Variants in TBC1D5 observed in about 807,000 individuals in gnomAD.
TBC1D5 encodes the protein TBC1 domain family, member 5.
A neutral mutation model predicts 100.3 loss-of-function variants in TBC1D5; 75 were observed. The observed-to-expected ratio is 0.75, with a 90% CI of 0.62 to 0.91. The LOEUF is 0.91. Ranked by LOEUF, TBC1D5 falls within the 40% of genes least tolerant of loss-of-function variation. The pLI is 0.00. For missense variants in TBC1D5, 910 were observed against 942.4 expected (o/e 0.97, Z 0.45); for synonymous variants, 323 against 325.6 (o/e 0.99, Z 0.09).
intron 19 of TBC1D5, among the ~76,000 whole-genome samples, chr3:17,180,916 C>CAA (rs76797012): frequency 0.018 from 1,741 of 96,112 alleles, 18 homozygotes; most frequent in African/African-American, 0.04. Flanking sequence ...ACATTTACAC[C>CAA]AAAAAAAAAA....
chr3:17,159,267 C>CCT lies in TBC1D5; in HGVS notation c.*1694_*1695dup, dbSNP rs551201386. 2.6e-5 allele frequency: 4 copies of CCT among 152,310 alleles called. No homozygotes were observed. In the South Asian group the frequency reaches 8.3e-4, roughly 32 times the overall value. The allele number at this position is 152,310 out of a possible 1,614,324, so 9.4% of individuals were successfully genotyped here. A position where few individuals can be genotyped will look rare whatever the true frequency, so the allele number is the denominator to read the frequency against. ...AGCAAATTGCAGAACCAATTAGAAC[C>CCT]CTCTCTACAGTAGCTGACTTGAGAG... On this transcript the variant is annotated 3_prime_UTR_variant, in exon 22 of 22. Coordinates refer to ENST00000253692, the Ensembl canonical transcript of TBC1D5.
intron 1 of TBC1D5, among the ~76,000 whole-genome samples, chr3:17,631,356 C>A (rs945032372): frequency 6.6e-6 from 1 of 151,950 alleles, no homozygotes; most frequent in Non-Finnish European, 1.5e-5. Context: ...TTGATTCCTA[C>A]GGTTGAAAAA....
intron 15 of TBC1D5, among the ~76,000 whole-genome samples, chr3:17,266,220 T>TA (rs1209230736): frequency 6.6e-6 from 1 of 152,220 alleles, no homozygotes; most frequent in Non-Finnish European, 1.5e-5. Context: ...TATTGCCACT[T>TA]ACTGCCCTTT....
At chr3:17,642,622 G>A (rs188109729) in intron 1 of TBC1D5, among the ~76,000 whole-genome samples, 6 of 152,114 alleles carry the variant, frequency 3.9e-5, no homozygotes. Flanking sequence ...ACACAACTCA[G>A]GTATCTCTAC....
At chr3:17,311,087 A>G (rs758111060) in intron 13 of TBC1D5, among the ~76,000 whole-genome samples, 101 of 152,028 alleles carry the variant, frequency 6.6e-4, no homozygotes, top group Non-Finnish European at 1.6e-4. Context: ...ATATTCTTGG[A>G]AAGAAAAACT....
intron 17 of TBC1D5, among the ~76,000 whole-genome samples, chr3:17,234,375 A>C (rs1035811780): frequency 8.5e-5 from 13 of 152,084 alleles, no homozygotes; most frequent in Admixed American, 8.5e-4. Context: ...TAAGTGCTTA[A>C]AATAATGACA....
At chr3:17,521,912 AT>A (rs2096067729) in intron 2 of TBC1D5, among the ~76,000 whole-genome samples, 1 of 152,124 alleles carries the variant, frequency 6.6e-6, no homozygotes, top group African/African-American at 2.4e-5. Flanking sequence ...AATTTAATTG[AT>A]TAGTAGCTTC....
rs1560022906 is a variant in TBC1D5, at chr3:17,497,123, CACACACACACACA to C, written c.97+11338_97+11350del. 2.3e-3 allele frequency among the ~76,000 whole-genome samples: 342 copies of C among 151,644 alleles called. 2 individuals are homozygous for C. The highest frequency in any genetic ancestry group is 7.4e-3 in the African/African-American group (307 of 41,366). On this transcript the variant is annotated intron_variant, in intron 3 of 21. Coordinates refer to ENST00000253692, the Ensembl canonical transcript of TBC1D5. ...ACACACACACACACACACACACACA[CACACACACACACA>C]CCATCCTTGTATATCTGCATATCTG...
chr3:17,507,848 T>C (rs1053777976), intron 3 of TBC1D5, among the ~76,000 whole-genome samples: 16 of 152,176 alleles, frequency 1.1e-4, no homozygotes, highest in Admixed American at 6.5e-4. Flanking sequence ...GAAACTATGT[T>C]ATTACTATCA....
At chr3:17,714,399 C>G (rs1177044534) in intron 1 of TBC1D5, among the ~76,000 whole-genome samples, 2 of 152,186 alleles carry the variant, frequency 1.3e-5, no homozygotes, top group African/African-American at 4.8e-5. Context: ...CATGCATCAT[C>G]AGAAAAAACT....
intron 18 of TBC1D5, among the ~76,000 whole-genome samples, chr3:17,202,713 T>C (rs1209906755): frequency 6.6e-6 from 1 of 152,214 alleles, no homozygotes; most frequent in Non-Finnish European, 1.5e-5. Context: ...GGGCCTAAGA[T>C]ATCGCAGGCT....
At chr3:17,585,008 C>G (rs892054130) in intron 2 of TBC1D5, among the ~76,000 whole-genome samples, 1 of 152,020 alleles carries the variant, frequency 6.6e-6, no homozygotes, top group Non-Finnish European at 1.5e-5. Flanking sequence ...CTAGACTGGT[C>G]TCCAACTCTT....
At chr3:17,696,772 G>C (rs994165187) in intron 1 of TBC1D5, among the ~76,000 whole-genome samples, 2 of 152,136 alleles carry the variant, frequency 1.3e-5, no homozygotes, top group African/African-American at 4.8e-5. Flanking sequence ...ACATCTTCCC[G>C]ATACCAAAGC....
chr3:17,455,083 G>GA (rs924835466), intron 3 of TBC1D5, among the ~76,000 whole-genome samples: 3 of 147,728 alleles, frequency 2.0e-5, no homozygotes, highest in African/African-American at 5.0e-5. Context: ...CACACAAGTA[G>GA]AAAAAACTGT....
At chr3:17,435,056 G>T (rs1432797957) in intron 3 of TBC1D5, among the ~76,000 whole-genome samples, 1 of 152,152 alleles carries the variant, frequency 6.6e-6, no homozygotes, top group Admixed American at 6.5e-5. Flanking sequence ...GACAACCTCA[G>T]CCTGGACTTT....
chr3:17,270,971 T>C (rs756833641), intron 15 of TBC1D5, among the ~76,000 whole-genome samples: 3 of 152,164 alleles, frequency 2.0e-5, no homozygotes, highest in African/African-American at 4.8e-5. Context: ...TCCATTGGCT[T>C]ATGTGTTTGT....
intron 2 of TBC1D5, among the ~76,000 whole-genome samples, chr3:17,596,281 T>C (rs1286425050): frequency 6.6e-6 from 1 of 151,740 alleles, no homozygotes; most frequent in Non-Finnish European, 1.5e-5. Flanking sequence ...AATATTCTGA[T>C]GCGTTAGTGG....
chr3:17,610,653 A>G (rs1283198287), intron 2 of TBC1D5, among the ~76,000 whole-genome samples: 1 of 152,206 alleles, frequency 6.6e-6, no homozygotes, highest in Admixed American at 6.5e-5. Flanking sequence ...AAAGATGGCT[A>G]TAATTGGTAG....
intron 19 of TBC1D5, among the ~76,000 whole-genome samples, chr3:17,176,968 G>A (rs2067824935): frequency 6.6e-6 from 1 of 152,168 alleles, no homozygotes; most frequent in South Asian, 2.1e-4. Flanking sequence ...CGCCAAGGCA[G>A]CCACTGGGGG....
Sources: allele counts gnomAD v4.1 joint callset (sites outside exome capture counted in the v4.1 genomes callset), GRCh38; gene constraint gnomAD v4.1.1; transcripts MANE v1.5; gene names NCBI Gene and HGNC (gene_info 2026-07-23, HGNC 2026-07-21).